Variants in TRAPPC3L observed in about 807,000 individuals in gnomAD.
TRAPPC3L encodes trafficking protein particle complex subunit 3L.
A neutral mutation model predicts 23.7 loss-of-function variants in TRAPPC3L; 23 were observed. The observed-to-expected ratio is 0.97, with a 90% CI of 0.70 to 1.37. TRAPPC3L has a LOEUF of 1.37. Ranked by LOEUF, TRAPPC3L falls within the 40% of genes most tolerant of loss-of-function variation. The pLI, the probability that TRAPPC3L is intolerant of heterozygous loss-of-function variation, is 0.00. For missense variants in TRAPPC3L, 212 were observed against 216.8 expected (o/e 0.98, Z 0.14); for synonymous variants, 81 against 77.9 (o/e 1.04, Z -0.21).
At chr6:116,508,004 C>A (rs1015711753) in intron 3 of TRAPPC3L, among the ~76,000 whole-genome samples, 3 of 152,092 alleles carry the variant, frequency 2.0e-5, no homozygotes, top group Non-Finnish European at 4.4e-5. Context: ...AATACACAGG[C>A]CTGGACTTTG....
chr6:116,545,152 T>C (rs1477264382), intron 1 of TRAPPC3L, among the ~76,000 whole-genome samples: 1 of 151,234 alleles, frequency 6.6e-6, no homozygotes, highest in Non-Finnish European at 1.5e-5. Context: ...CATATATATG[T>C]AAGTTCCCAT....
At chr6:116,504,194 G>A (rs9387416) in intron 3 of TRAPPC3L, among the ~76,000 whole-genome samples, 62,188 of 151,906 alleles carry the variant, frequency 0.41, 13,521 homozygotes, top group East Asian at 0.56. Flanking sequence ...ATGATAAAGG[G>A]GGATATCACC....
rs140962692 is a variant in TRAPPC3L, at chr6:116,496,790, GA to G, written c.*163del. On this transcript the variant is annotated 3_prime_UTR_variant, in exon 5 of 5. Coordinates refer to ENST00000368602, the MANE Select transcript of TRAPPC3L (RefSeq NM_001139444.3). ...AAAATGCGTGATTTATAAGCAAAAGGAAAAAAAAACCTTTAAGCCTTCATGC... is the reference window on the plus strand; with the variant it reads ...AAAATGCGTGATTTATAAGCAAAAGGAAAAAAAACCTTTAAGCCTTCATGC... The G allele has an allele frequency of 1.9e-3, 1,836 of 980,974 alleles. 17 individuals are homozygous for G. The highest frequency in any genetic ancestry group is 0.016 in the East Asian group (493 of 30,600). The allele number at this position is 980,974 out of a possible 1,614,324, so 60.8% of individuals were successfully genotyped here. A position where few individuals can be genotyped will look rare whatever the true frequency, so the allele number is the denominator to read the frequency against.
chr6:116,521,929 A>C (rs2115174541), intron 3 of TRAPPC3L: 1 of 152,310 alleles, frequency 6.6e-6, no homozygotes, highest in African/African-American at 2.4e-5. Flanking sequence ...AATGCTCAAC[A>C]GTCTGGTAAA....
intron 1 of TRAPPC3L, among the ~76,000 whole-genome samples, chr6:116,545,053 T>C (rs1243159828): frequency 6.6e-6 from 1 of 151,868 alleles, no homozygotes; most frequent in African/African-American, 2.4e-5. Context: ...CAATCCTTTT[T>C]TGATGACCTA....
At chr6:116,501,263 C>T (rs1044784809) in intron 3 of TRAPPC3L, among the ~76,000 whole-genome samples, 2 of 152,178 alleles carry the variant, frequency 1.3e-5, no homozygotes, top group Non-Finnish European at 2.9e-5. Flanking sequence ...AGCCTGAGAT[C>T]GACCTGAGAT....
intron 3 of TRAPPC3L, among the ~76,000 whole-genome samples, chr6:116,503,785 C>T (rs889921881): frequency 5.9e-5 from 9 of 151,960 alleles, no homozygotes; most frequent in African/African-American, 9.7e-5. Context: ...GTGTAAATAA[C>T]GAAATGAAGG....
At chr6:116,508,140 A>G (rs1244260227) in intron 3 of TRAPPC3L, among the ~76,000 whole-genome samples, 13 of 152,262 alleles carry the variant, frequency 8.5e-5, no homozygotes, top group Admixed American at 8.5e-4. Context: ...ATTACTTATA[A>G]TCAGAAGGAC....
At chr6:116,543,637 A>G in intron 1 of TRAPPC3L, 1 of 666,410 alleles carries the variant, frequency 1.5e-6, no homozygotes, top group South Asian at 1.8e-5. Context: ...GTAACATGAT[A>G]ACATCTTTCT....
chr6:116,519,813 T>A lies in TRAPPC3L; in HGVS notation c.241-19147A>T, dbSNP rs190743529. 2.7e-4 allele frequency: 41 copies of A among 152,348 alleles called. No homozygotes were observed. In the East Asian group the frequency reaches 7.7e-3, roughly 29 times the overall value. The allele number at this position is 152,348 out of a possible 1,614,324, so 9.4% of individuals were successfully genotyped here. A position where few individuals can be genotyped will look rare whatever the true frequency, so the allele number is the denominator to read the frequency against. ...TGCTGATTCTGTCCAATTTATCCCA[T>A]GAATAAATTGTGTACACATATATAT... is the stretch of plus-strand genomic sequence containing the variant. On this transcript the variant is annotated intron_variant, in intron 3 of 4. Coordinates refer to ENST00000368602, the MANE Select transcript of TRAPPC3L (RefSeq NM_001139444.3).
intron 3 of TRAPPC3L, chr6:116,520,908 G>T (rs1772322360): frequency 6.6e-6 from 1 of 151,802 alleles, no homozygotes; most frequent in East Asian, 1.9e-4. Context: ...AAGTTTTACA[G>T]TGAGCATTTT....
chr6:116,531,259 TAGAG>T (rs1772705403), intron 3 of TRAPPC3L, among the ~76,000 whole-genome samples: 1 of 151,616 alleles, frequency 6.6e-6, no homozygotes, highest in Non-Finnish European at 1.5e-5. Flanking sequence ...ATGAAACACA[TAGAG>T]AAAGTCACAG....
At chr6:116,522,594 G>T (rs887696127) in intron 3 of TRAPPC3L, 3 of 152,178 alleles carry the variant, frequency 2.0e-5, no homozygotes, top group African/African-American at 4.8e-5. Context: ...CAAAGCTGGA[G>T]ATTCACTTTC....
intron 3 of TRAPPC3L, among the ~76,000 whole-genome samples, chr6:116,515,329 A>G (rs1271705638): frequency 6.6e-6 from 1 of 152,096 alleles, no homozygotes; most frequent in East Asian, 1.9e-4. Flanking sequence ...TATACTTTGT[A>G]CTCTTTTCTA....
chr6:116,538,284 A>C (rs1773219126), intron 3 of TRAPPC3L, among the ~76,000 whole-genome samples: 1 of 152,202 alleles, frequency 6.6e-6, no homozygotes, highest in Admixed American at 6.5e-5. Context: ...TGGATGAGCC[A>C]ATATTCTCTG....
At chr6:116,516,733 A>G (rs1053427485) in intron 3 of TRAPPC3L, 2 of 145,632 alleles carry the variant, frequency 1.4e-5, no homozygotes, top group Non-Finnish European at 3.0e-5. Context: ...ATATATATTT[A>G]TAACTGCATT....
Position 116,513,645 on chromosome 6 carries a change from G to A in TRAPPC3L, c.241-12979C>T, listed in dbSNP as rs115580987. 4.1e-3 allele frequency among the ~76,000 whole-genome samples: 627 copies of A among 152,316 alleles called. 5 individuals are homozygous for A. Among genetic ancestry groups the A allele is most frequent in the African/African-American group, 0.014 (587 of 41,572 alleles). ...GTGGGAAGATGCATAAGGAATGTGG[G>A]CAAGAGAACTTGTATCAATAGCAGG... On this transcript the variant is annotated intron_variant, in intron 3 of 4. Coordinates refer to ENST00000368602, the MANE Select transcript of TRAPPC3L (RefSeq NM_001139444.3).
rs1404208795 is a variant in TRAPPC3L, at chr6:116,496,391, T to TA, written c.*562dup. On this transcript the variant is annotated 3_prime_UTR_variant, in exon 5 of 5. Transcript: ENST00000368602. The stretch of plus-strand genomic sequence containing the variant: ...TAAATGTTTCAAAATTATCATTGAA[T>TA]AAATAGCTTGACTTGGTGATTACAA... The TA allele has an allele frequency of 1.3e-5, 2 of 152,200 alleles. No homozygotes were observed. Among genetic ancestry groups the TA allele is most frequent in the African/African-American group, 4.8e-5 (2 of 41,472 alleles). 9.4% of individuals were successfully genotyped at this position (152,200 alleles called of 1,614,324 possible).
At position 116,516,222 on chromosome 6, in the gene TRAPPC3L, A is replaced by G. The variant is rs565439961; in HGVS notation, c.241-15556T>C. ...TTGCATTGGTGGAGAGGGGCTCAGT[A>G]GGCCTAAATGTTGCTCCAAGATCTA... On this transcript the variant is annotated intron_variant, in intron 3 of 4. Transcript: ENST00000368602. 1.6e-5 allele frequency: 7 copies of G among 426,388 alleles called. No individual in the cohort carries two copies. The East Asian group carries it at 2.5e-4, about 15-fold the overall frequency. 26.4% of individuals were successfully genotyped at this position (426,388 alleles called of 1,614,324 possible).
Sources: allele counts gnomAD v4.1 joint callset (sites outside exome capture counted in the v4.1 genomes callset), GRCh38; gene constraint gnomAD v4.1.1; transcripts MANE v1.5; gene names NCBI Gene and HGNC (gene_info 2026-07-23, HGNC 2026-07-21).